DPYD: variants seen among roughly 807,000 people sequenced by gnomAD.
DPYD encodes the protein dihydropyrimidine dehydrogenase [NADP(+)].
In DPYD, 109 loss-of-function variants were observed where a neutral mutation model predicts 116.2. That is an observed-to-expected ratio of 0.94 (90% CI 0.80 to 1.10). The LOEUF (loss-of-function observed/expected upper bound fraction) is 1.10, where lower values mean the gene tolerates loss of function less well. Among genes scored for constraint, DPYD ranks in the 50% least tolerant of loss-of-function variants. The pLI is 0.00. For missense variants in DPYD, 1,302 were observed against 1,254.5 expected (o/e 1.04, Z -0.57); for synonymous variants, 440 against 432.0 (o/e 1.02, Z -0.23).
At chr1:97,099,282 A>G (rs139911445) in intron 20 of DPYD, among the ~76,000 whole-genome samples, 2 of 152,260 alleles carry the variant, frequency 1.3e-5, no homozygotes, top group African/African-American at 4.8e-5. Flanking sequence ...AATGAAAAGG[A>G]GAGGAAATAT....
intron 18 of DPYD, among the ~76,000 whole-genome samples, chr1:97,270,911 C>G (rs1001344561): frequency 6.6e-6 from 1 of 152,172 alleles, no homozygotes; most frequent in Admixed American, 6.5e-5. Flanking sequence ...AGGTACTTTG[C>G]TAATGCAAGA....
chr1:97,394,902 G>A lies in DPYD; in HGVS notation c.1906-12441C>T, dbSNP rs142401952. 4.1e-4 allele frequency among the ~76,000 whole-genome samples: 63 copies of A among 152,084 alleles called. 1 individual carries two copies. In the East Asian group the frequency reaches 5.8e-3, roughly 14 times the overall value. ...GGCTGACTTTGAAACAAATGGTTAC[G>A]TTTCATAAAAAATGAAGCAAGATAT... On this transcript the variant is annotated intron_variant, in intron 14 of 22. Coordinates refer to ENST00000370192, the MANE Select transcript of DPYD (RefSeq NM_000110.4).
At chr1:97,265,169 T>C (rs751948803) in intron 18 of DPYD, among the ~76,000 whole-genome samples, 24 of 152,144 alleles carry the variant, frequency 1.6e-4, no homozygotes, top group Non-Finnish European at 1.9e-4. Flanking sequence ...AAGCTCATGG[T>C]AGTAGGTCCT....
chr1:97,841,722 GT>G (rs1670047465), intron 2 of DPYD, among the ~76,000 whole-genome samples: 1 of 151,904 alleles, frequency 6.6e-6, no homozygotes, highest in Non-Finnish European at 1.5e-5. Flanking sequence ...AAAAAAAAAT[GT>G]TTGTTCCCAG....
At chr1:97,131,608 T>TTG (rs909394360) in intron 20 of DPYD, among the ~76,000 whole-genome samples, 7 of 151,756 alleles carry the variant, frequency 4.6e-5, no homozygotes, top group African/African-American at 1.5e-4. Flanking sequence ...AGATAACTAT[T>TTG]TGTGTGTGTG....
At chr1:97,398,910 G>T (rs972512250) in intron 14 of DPYD, among the ~76,000 whole-genome samples, 1 of 152,142 alleles carries the variant, frequency 6.6e-6, no homozygotes, top group African/African-American at 2.4e-5. Context: ...TGTTCACTCT[G>T]ATGGTAGTTT....
intron 12 of DPYD, among the ~76,000 whole-genome samples, chr1:97,535,104 T>C (rs978025220): frequency 6.6e-6 from 1 of 152,130 alleles, no homozygotes; most frequent in African/African-American, 2.4e-5. Flanking sequence ...GCAGAATTAC[T>C]GAGCAATTAG....
intron 2 of DPYD, among the ~76,000 whole-genome samples, chr1:97,831,971 G>C (rs1373400740): frequency 6.6e-6 from 1 of 151,010 alleles, no homozygotes; most frequent in Non-Finnish European, 1.5e-5. Context: ...CTAATTAATT[G>C]GTAGAAAACT....
At chr1:97,595,906 A>G (rs1049038151) in intron 8 of DPYD, among the ~76,000 whole-genome samples, 8 of 152,042 alleles carry the variant, frequency 5.3e-5, no homozygotes, top group South Asian at 2.1e-4. Flanking sequence ...ATAAAAAGAA[A>G]AATATTTAAG....
chr1:97,774,887 G>T, intron 3 of DPYD: 1 of 238,978 alleles, frequency 4.2e-6, no homozygotes, highest in East Asian at 1.2e-4. Flanking sequence ...AAACATACAA[G>T]GGAAAAACCT....
At chr1:97,091,025 T>C (rs1425152587) in intron 21 of DPYD, among the ~76,000 whole-genome samples, 1 of 152,234 alleles carries the variant, frequency 6.6e-6, no homozygotes, top group Non-Finnish European at 1.5e-5. Flanking sequence ...AGATGAGATC[T>C]ACTGAGCATA....
chr1:97,769,257 T>C (rs1287608741), intron 3 of DPYD, among the ~76,000 whole-genome samples: 1 of 152,214 alleles, frequency 6.6e-6, no homozygotes, highest in East Asian at 1.9e-4. Flanking sequence ...TCCCAAAGAA[T>C]ACAAGAACTG....
At chr1:97,515,018 A>G (rs920412160) in intron 13 of DPYD, among the ~76,000 whole-genome samples, 2 of 151,956 alleles carry the variant, frequency 1.3e-5, no homozygotes, top group African/African-American at 4.8e-5. Context: ...TGAGAGGTTT[A>G]GCATTTGTAA....
rs573681278 is a variant in DPYD at position 97,908,326 on chromosome 1, G to GT, written c.39+12557dup. 1.8e-3 allele frequency among the ~76,000 whole-genome samples: 277 copies of GT among 152,068 alleles called. 2 individuals are homozygous for GT. The highest frequency in any genetic ancestry group is 6.4e-3 in the African/African-American group (264 of 41,496). ...CTCCCAAAGTGCTGGGATTACAGGC[G>GT]TAAGTCATCGTACCTGGCCTGGCTG... On this transcript the variant is annotated intron_variant, in intron 1 of 22. Coordinates refer to ENST00000370192, the MANE Select transcript of DPYD (RefSeq NM_000110.4).
intron 13 of DPYD, among the ~76,000 whole-genome samples, chr1:97,493,870 T>A (rs1411080775): frequency 1.3e-5 from 2 of 152,170 alleles, no homozygotes; most frequent in Admixed American, 1.3e-4. Flanking sequence ...AATCACATCA[T>A]TTCCATCTGG....
At chr1:97,083,147 T>C (rs749064256) in intron 21 of DPYD, among the ~76,000 whole-genome samples, 9 of 152,200 alleles carry the variant, frequency 5.9e-5, no homozygotes, top group Admixed American at 5.2e-4. Context: ...TTGTTCTTCA[T>C]ACTAATTGGG....
chr1:97,808,256 T>C (rs1668175448), intron 3 of DPYD, among the ~76,000 whole-genome samples: 1 of 152,180 alleles, frequency 6.6e-6, no homozygotes, highest in African/African-American at 2.4e-5. Flanking sequence ...ACAAAAGATG[T>C]TTCCATTTAT....
At chr1:97,475,430 TA>T (rs1462815259) in intron 13 of DPYD, among the ~76,000 whole-genome samples, 1 of 152,068 alleles carries the variant, frequency 6.6e-6, no homozygotes, top group African/African-American at 2.4e-5. Flanking sequence ...AATGACTTAA[TA>T]AATAAGTAAA....
chr1:97,093,943 T>C (rs977698271), intron 21 of DPYD, among the ~76,000 whole-genome samples: 1 of 151,986 alleles, frequency 6.6e-6, no homozygotes, highest in Non-Finnish European at 1.5e-5. Flanking sequence ...TCATGCCCTT[T>C]CTGGCAGCTT....
Sources: allele counts gnomAD v4.1 joint callset (sites outside exome capture counted in the v4.1 genomes callset), GRCh38; gene constraint gnomAD v4.1.1; transcripts MANE v1.5; gene names NCBI Gene and HGNC (gene_info 2026-07-23, HGNC 2026-07-21).